The following AVEN variants were observed in gnomAD, a reference collection of about 807,000 sequenced individuals.
The protein encoded by AVEN is apoptosis and caspase activation inhibitor, also known as cell death regulator Aven.
A neutral mutation model predicts 38.1 loss-of-function variants in AVEN; 41 were observed. That is an observed-to-expected ratio of 1.08 (90% CI 0.84 to 1.40). The LOEUF is 1.40. Ranked by LOEUF, AVEN falls within the 40% of genes most tolerant of loss-of-function variation. The pLI, the probability that AVEN is intolerant of heterozygous loss-of-function variation, is 0.00. For missense variants in AVEN, 605 were observed against 438.8 expected, an observed-to-expected ratio of 1.38 and a Z score of -3.38; for synonymous variants, 206 against 171.8, an observed-to-expected ratio of 1.20 and a Z score of -1.56.
chr15:33,955,419 T>C lies in AVEN; in HGVS notation c.445+47613A>G, dbSNP rs143239447. On this transcript the variant is annotated intron_variant, in intron 2 of 5. Coordinates refer to ENST00000306730, the MANE Select transcript of AVEN (RefSeq NM_020371.3). ...TATTTGGTGCTCTATTTGCCCCTAA[T>C]ATGTATAAATCTGCAGGCATAATCC... Among the ~76,000 whole-genome samples, 38 of 152,350 alleles carry C rather than the reference T, an allele frequency of 2.5e-4. No individual in the cohort carries two copies. In the East Asian group the frequency reaches 5.0e-3, roughly 20 times the overall value.
intron 11 of AVEN, chr15:33,861,219 G>GT: frequency 6.9e-7 from 1 of 1,449,514 alleles, no homozygotes; most frequent in Non-Finnish European, 9.5e-7. Context: ...CAGCTGTAGC[G>GT]TAAATAAAGC....
downstream of AVEN, among the ~76,000 whole-genome samples, chr15:33,862,146 T>C (rs888803184): frequency 1.3e-5 from 2 of 152,092 alleles, no homozygotes; most frequent in Non-Finnish European, 2.9e-5. Context: ...AGAAAAAAAA[T>C]AAAATGCTGG....
chr15:33,877,543 G>T (rs970284090), intron 2 of AVEN, among the ~76,000 whole-genome samples: 2 of 152,210 alleles, frequency 1.3e-5, no homozygotes, highest in African/African-American at 4.8e-5. Flanking sequence ...GGCCGGGCGC[G>T]GTGGCTCACG....
chr15:33,906,587 T>C (rs1892707817), intron 2 of AVEN, among the ~76,000 whole-genome samples: 2 of 152,332 alleles, frequency 1.3e-5, no homozygotes, highest in South Asian at 2.1e-4. Flanking sequence ...TTAATTTTTA[T>C]TGAACCTTGA....
chr15:33,871,791 A>AAAAAAAAAAAAAAAAAAAAAAAG (rs1890965933), intron 3 of AVEN, among the ~76,000 whole-genome samples: 5 of 151,600 alleles, frequency 3.3e-5, no homozygotes, highest in African/African-American at 1.2e-4. Context: ...AAAAAAAAAA[A>AAAAAAAAAAAAAAAAAAAAAAAG]GCCACTTTGT....
chr15:33,954,709 G>A (rs1043166579), intron 2 of AVEN, among the ~76,000 whole-genome samples: 5 of 151,976 alleles, frequency 3.3e-5, no homozygotes, highest in Non-Finnish European at 5.9e-5. Flanking sequence ...TGTAAACGAC[G>A]AGTTAATGGG....
At chr15:33,971,924 G>A (rs1370192997) in intron 2 of AVEN, 1 of 152,098 alleles carries the variant, frequency 6.6e-6, no homozygotes. Context: ...ATCACAATCT[G>A]TGACTGGGAA....
rs549371629 is a variant in AVEN, at chr15:34,033,610, TA to T, written c.267+5169del. Among the ~76,000 whole-genome samples, 998 of 152,306 alleles carry T rather than the reference TA, an allele frequency of 6.6e-3. 13 individuals are homozygous for T. The highest frequency in any genetic ancestry group is 0.023 in the African/African-American group (954 of 41,552). On this transcript the variant is annotated intron_variant, in intron 1 of 5. Transcript: ENST00000306730. ...TAGCACCCAAGCCTGTAGAGTTATA[TA>T]ACATTTTTTAAGTCAACATTTATTA...
chr15:34,027,292 A>G (rs746502546), intron 1 of AVEN, among the ~76,000 whole-genome samples: 30 of 152,112 alleles, frequency 2.0e-4, no homozygotes, highest in South Asian at 4.1e-4. Context: ...AGGCAGGCTG[A>G]TCACCTGAGG....
chr15:34,002,565 C>T (rs957987651), intron 2 of AVEN, among the ~76,000 whole-genome samples: 1 of 151,948 alleles, frequency 6.6e-6, no homozygotes, highest in Admixed American at 6.6e-5. Flanking sequence ...AAAGCAAAAA[C>T]AAAAACTTGG....
intron 2 of AVEN, among the ~76,000 whole-genome samples, chr15:33,878,851 G>A (rs996643495): frequency 8.5e-5 from 13 of 152,056 alleles, no homozygotes; most frequent in Non-Finnish European, 1.6e-4. Flanking sequence ...AATGACAGAT[G>A]TATGAATTTA....
the AVEN span, among the ~76,000 whole-genome samples, chr15:33,853,240 A>AT: frequency 6.6e-6 from 1 of 152,246 alleles, no homozygotes; most frequent in Admixed American, 6.5e-5. Flanking sequence ...GGATATGAAC[A>AT]TATGTAGGTT....
intron 1 of AVEN, among the ~76,000 whole-genome samples, chr15:34,011,066 C>T: frequency 6.6e-6 from 1 of 152,058 alleles, no homozygotes; most frequent in Admixed American, 6.6e-5. Flanking sequence ...GTGGCTCATT[C>T]CTATAATACC....
At chr15:34,073,836 ATAAC>A (rs1239350866) in intron 1 of AVEN, among the ~76,000 whole-genome samples, 5 of 152,070 alleles carry the variant, frequency 3.3e-5, no homozygotes, top group South Asian at 4.1e-4. Context: ...GCTCTTATCC[ATAAC>A]TAAACGTAGA....
intron 2 of AVEN, among the ~76,000 whole-genome samples, chr15:33,961,627 C>T (rs867342300): frequency 2.0e-5 from 3 of 151,262 alleles, no homozygotes; most frequent in Non-Finnish European, 4.4e-5. Context: ...TTCTGGCTAA[C>T]ACGGTGAAAC....
intron 2 of AVEN, among the ~76,000 whole-genome samples, chr15:33,966,214 T>C (rs1235491822): frequency 1.3e-5 from 2 of 152,146 alleles, no homozygotes; most frequent in Admixed American, 1.3e-4. Flanking sequence ...TCTCCTATGT[T>C]GACATTGTAT....
At chr15:33,996,327 T>C (rs192101333) in intron 2 of AVEN, among the ~76,000 whole-genome samples, 177 of 152,298 alleles carry the variant, frequency 1.2e-3, no homozygotes, top group Admixed American at 2.9e-3. Context: ...AAGAGAGGTG[T>C]GGTTCTCCCA....
At chr15:34,012,556 C>A (rs1016517406) in intron 1 of AVEN, among the ~76,000 whole-genome samples, 3 of 152,064 alleles carry the variant, frequency 2.0e-5, no homozygotes, top group African/African-American at 7.2e-5. Flanking sequence ...CTGCAAATGG[C>A]CAGATTTTCT....
intron 4 of AVEN, among the ~76,000 whole-genome samples, chr15:33,870,236 T>C (rs1890880872): frequency 6.6e-6 from 1 of 152,172 alleles, no homozygotes; most frequent in Non-Finnish European, 1.5e-5. Flanking sequence ...CACCTGCACC[T>C]GTACAACAGC....
Sources: allele counts gnomAD v4.1 joint callset (sites outside exome capture counted in the v4.1 genomes callset), GRCh38; gene constraint gnomAD v4.1.1; transcripts MANE v1.5; gene names NCBI Gene and HGNC (gene_info 2026-07-23, HGNC 2026-07-21).